The following PRKCH variants were observed in gnomAD, a reference collection of about 807,000 sequenced individuals.
The protein encoded by PRKCH is protein kinase C eta.
PRKCH carries 28 observed loss-of-function variants against 82.5 expected under a neutral mutation model. That is an observed-to-expected ratio of 0.34 (90% CI 0.25 to 0.47). The LOEUF (loss-of-function observed/expected upper bound fraction) is 0.47, where lower values mean the gene tolerates loss of function less well. PRKCH is among the 20% of genes least tolerant of loss of function. The probability of loss-of-function intolerance (pLI) is 1.00; values close to 1 mark genes in which losing one functional copy is unlikely to be tolerated. For synonymous variants in PRKCH, 322 were observed against 327.4 expected (o/e 0.98, Z 0.18); for missense variants, 705 against 881.8 (o/e 0.80, Z 2.54).
At chr14:61,469,311 A>G (rs1467069137) in intron 9 of PRKCH, among the ~76,000 whole-genome samples, 2 of 152,236 alleles carry the variant, frequency 1.3e-5, no homozygotes, top group African/African-American at 2.4e-5. Context: ...TGTACAGTAG[A>G]TAGCATGTAG....
intron 9 of PRKCH, among the ~76,000 whole-genome samples, chr14:61,466,135 T>G (rs574647563): frequency 6.6e-6 from 1 of 152,218 alleles, no homozygotes; most frequent in African/African-American, 2.4e-5. Flanking sequence ...GCCAGGAAAT[T>G]ATGCCAGTAA....
rs1005487328 is a variant in PRKCH at position 61,550,927 on chromosome 14, A to G, written c.*1096A>G. 10 of 152,254 alleles carry G rather than the reference A, an allele frequency of 6.6e-5. No individual in the cohort carries two copies. The allele number at this position is 152,254 out of a possible 1,614,324, so 9.4% of individuals were successfully genotyped here. A position where few individuals can be genotyped will look rare whatever the true frequency, so the allele number is the denominator to read the frequency against. Reference sequence around the variant, plus strand: ...GACCTTATAATATGTACCCGAATATACAGTTCAAGAATTTTGTCTGACTGG... The same window carrying G: ...GACCTTATAATATGTACCCGAATATGCAGTTCAAGAATTTTGTCTGACTGG... On this transcript the variant is annotated 3_prime_UTR_variant, in exon 14 of 14. Coordinates refer to ENST00000332981, the MANE Select transcript of PRKCH (RefSeq NM_006255.5).
intron 9 of PRKCH, among the ~76,000 whole-genome samples, chr14:61,475,908 G>A (rs1452799474): frequency 6.6e-6 from 1 of 152,064 alleles, no homozygotes; most frequent in Admixed American, 6.5e-5. Context: ...TGGTTGTCAG[G>A]ATTAGGGTGA....
intron 5 of PRKCH, among the ~76,000 whole-genome samples, chr14:61,450,311 T>C (rs1450658454): frequency 6.6e-6 from 1 of 152,228 alleles, no homozygotes; most frequent in African/African-American, 2.4e-5. Context: ...AGATTGCAAA[T>C]GCCAGGCAAA....
intron 1 of PRKCH, among the ~76,000 whole-genome samples, chr14:61,284,012 A>G (rs1268548631): frequency 6.6e-6 from 1 of 152,192 alleles, no homozygotes; most frequent in Non-Finnish European, 1.5e-5. Flanking sequence ...GGAAAAAGAT[A>G]ATAGTGCAGA....
chr14:61,360,553 A>T (rs141929243), intron 1 of PRKCH, among the ~76,000 whole-genome samples: 53 of 152,282 alleles, frequency 3.5e-4, no homozygotes, highest in African/African-American at 1.2e-3. Context: ...GCTAAAACGT[A>T]TCCTGGAACT....
At chr14:61,426,852 C>T (rs938241937) in intron 2 of PRKCH, among the ~76,000 whole-genome samples, 19 of 152,212 alleles carry the variant, frequency 1.2e-4, no homozygotes, top group African/African-American at 4.1e-4. Flanking sequence ...TCATAATTTA[C>T]TGCTTCAGGA....
Position 61,457,587 on chromosome 14 carries a change from G to A in PRKCH, c.1186G>A (p.Asp396Asn). 6.2e-7 allele frequency: 1 copy of A among 1,614,162 alleles called. No homozygotes were observed. The highest frequency in any genetic ancestry group is 8.5e-7 in the Non-Finnish European group (1 of 1,180,034). ...LKKDVILQDDDVECTMTEKRI... is the reference protein window; with the variant it reads ...LKKDVILQDDNVECTMTEKRI... ...GAAGGACGTGATTCTGCAGGATGAT[G>A]ATGTGGAATGCACCATGACCGAGAA... The change falls in exon 9 of 14, where the codon GAT becomes AAT. Residue 396 changes from aspartate to asparagine, a missense_variant. By Grantham distance (23) the Asp-to-Asn change is conservative. This residue lies in a region of PRKCH where 238 missense variants were observed against 258.1 expected (regional missense o/e 0.92). Transcript: ENST00000332981.
At chr14:61,313,331 C>G (rs1439582858) in intron 1 of PRKCH, among the ~76,000 whole-genome samples, 1 of 152,160 alleles carries the variant, frequency 6.6e-6, no homozygotes, top group Non-Finnish European at 1.5e-5. Flanking sequence ...ACAACCTGAC[C>G]ATTAGCTATA....
intron 2 of PRKCH, among the ~76,000 whole-genome samples, chr14:61,414,032 C>A (rs1409840655): frequency 6.6e-6 from 1 of 152,144 alleles, no homozygotes; most frequent in Non-Finnish European, 1.5e-5. Flanking sequence ...TTCTTCCCTT[C>A]TCTTCCTTTC....
intron 10 of PRKCH, among the ~76,000 whole-genome samples, chr14:61,492,561 A>C (rs1886493177): frequency 6.6e-6 from 1 of 152,254 alleles, no homozygotes. Flanking sequence ...TCTTCAACTT[A>C]CAGCTGGCAT....
Position 61,348,803 on chromosome 14 carries a change from C to A in PRKCH, c.363+26339C>A, listed in dbSNP as rs567661265. Among the ~76,000 whole-genome samples the A allele has an allele frequency of 1.3e-4, 20 of 152,368 alleles. No individual in the cohort carries two copies. The South Asian group carries it at 3.7e-3, about 28-fold the overall frequency. On this transcript the variant is annotated intron_variant, in intron 1 of 13. Transcript: ENST00000332981. ...TCGTAGCCACTGGCACTCTGCCTTG[C>A]GGCACTTGCACATATTTATAATCAG... is the stretch of plus-strand genomic sequence containing the variant.
At chr14:61,367,595 T>G (rs887213176) in intron 1 of PRKCH, among the ~76,000 whole-genome samples, 2 of 152,028 alleles carry the variant, frequency 1.3e-5, no homozygotes, top group Non-Finnish European at 2.9e-5. Flanking sequence ...TTGGACGTTT[T>G]GTGACCTGGA....
chr14:61,449,238 A>G lies in PRKCH; in HGVS notation c.688A>G (p.Lys230Glu), dbSNP rs1884370783. Residue 230 changes from lysine to glutamate, a missense_variant, in exon 5 of 14, where the codon AAA (lysine) becomes GAA (glutamate). Around this residue, in one of 5 missense-constraint regions of PRKCH, gnomAD observed 246 missense variants for 308.0 expected, o/e 0.80. Coordinates refer to ENST00000332981, the MANE Select transcript of PRKCH (RefSeq NM_006255.5). ...CTGTACTTGCCAAAACAATATTAAC[A>G]AAGTGGATTCAAAGGTAAGAGGATA... ...TACTCQNNIN[K>E]VDSKIAEQRF... 1.2e-6 allele frequency: 2 copies of G among 1,613,196 alleles called. No individual in the cohort carries two copies. Among genetic ancestry groups the G allele is most frequent in the African/African-American group, 1.3e-5 (1 of 74,872 alleles).
intron 9 of PRKCH, among the ~76,000 whole-genome samples, chr14:61,475,953 TTCTA>T (rs778310727): frequency 1.6e-4 from 24 of 152,228 alleles, no homozygotes; most frequent in Admixed American, 4.6e-4. Context: ...CTTCTCAATT[TTCTA>T]TCTATTTACT....
At chr14:61,318,600 T>C (rs1014049772), upstream of PRKCH, among the ~76,000 whole-genome samples, 4 of 152,072 alleles carry the variant, frequency 2.6e-5, no homozygotes, top group Non-Finnish European at 5.9e-5. Context: ...CTCTTCCTCA[T>C]TCCCTTCAAT....
intron 1 of PRKCH, among the ~76,000 whole-genome samples, chr14:61,195,818 G>A (rs552743947): frequency 6.6e-6 from 1 of 152,174 alleles, no homozygotes; most frequent in African/African-American, 2.4e-5. Flanking sequence ...CAAACTTCTG[G>A]TGTCTCTTCT....
chr14:61,476,756 C>G (rs1351731955), intron 9 of PRKCH, among the ~76,000 whole-genome samples: 1 of 152,198 alleles, frequency 6.6e-6, no homozygotes, highest in Admixed American at 6.5e-5. Flanking sequence ...TTCCCAAAGA[C>G]TAGTCTCAGC....
rs139079942 is a variant in PRKCH at position 61,262,462 on chromosome 14, A to G, written c.-19+74794A>G. Among the ~76,000 whole-genome samples, 522 of 152,334 alleles carry G rather than the reference A, an allele frequency of 3.4e-3. 1 individual carries two copies. Among genetic ancestry groups the G allele is most frequent in the African/African-American group, 0.011 (475 of 41,570 alleles). ...AATACAAGCAGTATGATTCATTTAT[A>G]TGAAGTCTACAAATGGGCAAAATTA... On this transcript the variant is annotated intron_variant, in intron 1 of 3. Coordinates refer to the PRKCH transcript ENST00000555185.
Sources: gnomAD v4.1 joint callset for allele counts (sites outside exome capture counted in the v4.1 genomes callset) on GRCh38, gnomAD v4.1.1 for gene constraint, gnomAD v4.1.1 regional missense constraint, MANE v1.5 for transcripts, NCBI Gene and HGNC (gene_info 2026-07-23, HGNC 2026-07-21) for gene names.